EXOC2: variants seen among roughly 807,000 people sequenced by gnomAD.
EXOC2 encodes the protein exocyst complex component 2, also known as SEC5-like 1.
In EXOC2, 70 loss-of-function variants were observed where a neutral mutation model predicts 131.8. That is an observed-to-expected ratio of 0.53 (90% confidence interval 0.44 to 0.65). The LOEUF (loss-of-function observed/expected upper bound fraction) is 0.65. EXOC2 is among the 30% of genes least tolerant of loss of function. The probability of loss-of-function intolerance (pLI) is 0.00; values close to 1 mark genes in which losing one functional copy is unlikely to be tolerated. For synonymous variants in EXOC2, 411 were observed against 398.4 expected (o/e 1.03, Z -0.38); for missense variants, 923 against 1,108.6 (o/e 0.83, Z 2.38).
chr6:659,798 CA>C lies in EXOC2; in HGVS notation c.-43-21938del, dbSNP rs554452218. Among the ~76,000 whole-genome samples, 329 of 152,316 alleles carry C rather than the reference CA, an allele frequency of 2.2e-3. 2 individuals are homozygous for C. The highest frequency in any genetic ancestry group is 7.7e-3 in the African/African-American group (319 of 41,570). On this transcript the variant is annotated intron_variant, in intron 1 of 27. Transcript: ENST00000230449. ...CTGAGGAGCAGGGGGTACAACTCCA[CA>C]GGGAGAAGGAAATCTCTAACTGAAC... is the stretch of plus-strand genomic sequence containing the variant.
intron 13 of EXOC2, among the ~76,000 whole-genome samples, chr6:571,918 AAC>A (rs1292276235): frequency 5.9e-5 from 9 of 152,220 alleles, no homozygotes; most frequent in Non-Finnish European, 2.9e-5. Flanking sequence ...TGCCACACAT[AAC>A]AGAGTCATTC....
At chr6:572,696 C>T (rs1299388413) in intron 12 of EXOC2, 52 bp from the exon 13 acceptor site, 1 of 1,585,910 alleles carries the variant, frequency 6.3e-7, no homozygotes, top group Non-Finnish European at 8.6e-7. Flanking sequence ...ATCAAGAAAA[C>T]ACCTTTGAGC....
At chr6:487,572 A>G (rs371092250) in intron 27 of EXOC2, among the ~76,000 whole-genome samples, 3 of 151,880 alleles carry the variant, frequency 2.0e-5, no homozygotes, top group East Asian at 3.9e-4. Context: ...ACACCCGGCT[A>G]ATTTTTGTAT....
intron 1 of EXOC2, among the ~76,000 whole-genome samples, chr6:675,481 C>A (rs190897639): frequency 3.3e-3 from 498 of 152,292 alleles, no homozygotes; most frequent in Non-Finnish European, 5.3e-3. Flanking sequence ...GAAATGGGCG[C>A]CCCATCAACC....
intron 1 of EXOC2, among the ~76,000 whole-genome samples, chr6:688,231 G>T (rs1411743636): frequency 6.6e-6 from 1 of 152,204 alleles, no homozygotes; most frequent in Admixed American, 6.5e-5. Context: ...AGTACATTCT[G>T]CAGAGATAAG....
chr6:577,638 T>C (rs1203071545), intron 11 of EXOC2, among the ~76,000 whole-genome samples: 2 of 152,228 alleles, frequency 1.3e-5, no homozygotes, highest in Non-Finnish European at 1.5e-5. Context: ...ATTTACCTTG[T>C]TAGTCTAAAA....
At chr6:498,595 A>C (rs1763868475) in intron 24 of EXOC2, among the ~76,000 whole-genome samples, 1 of 152,214 alleles carries the variant, frequency 6.6e-6, no homozygotes, top group Admixed American at 6.5e-5. Context: ...TAAGAACTGG[A>C]AACTGTAACG....
intron 1 of EXOC2, among the ~76,000 whole-genome samples, chr6:683,891 A>C (rs1405846848): frequency 6.6e-6 from 1 of 152,260 alleles, no homozygotes; most frequent in Non-Finnish European, 1.5e-5. Flanking sequence ...TGCTATGGAA[A>C]GTGCCTGTCA....
intron 1 of EXOC2, among the ~76,000 whole-genome samples, chr6:686,204 C>T (rs541408120): frequency 2.0e-5 from 3 of 151,792 alleles, no homozygotes; most frequent in South Asian, 2.1e-4. Context: ...CCTCATGATT[C>T]GCCCTCCTCG....
intron 1 of EXOC2, among the ~76,000 whole-genome samples, chr6:642,629 T>C (rs1762406108): frequency 6.6e-6 from 1 of 152,200 alleles, no homozygotes. Context: ...GTTATTAAAA[T>C]ATATGTAATC....
At chr6:656,746 G>C in intron 1 of EXOC2, 1 of 1,587,616 alleles carries the variant, frequency 6.3e-7, no homozygotes, top group Non-Finnish European at 8.6e-7. Context: ...CCTTCCATGC[G>C]AAACTGCTGG....
chr6:618,607 A>C (rs1286134743), intron 5 of EXOC2, among the ~76,000 whole-genome samples: 1 of 152,216 alleles, frequency 6.6e-6, no homozygotes, highest in Non-Finnish European at 1.5e-5. Context: ...ATTTGCTTTA[A>C]AAAGCAATCA....
At chr6:661,546 T>C (rs141531110) in intron 1 of EXOC2, among the ~76,000 whole-genome samples, 1 of 152,268 alleles carries the variant, frequency 6.6e-6, no homozygotes, top group African/African-American at 2.4e-5. Context: ...AACCTATGCA[T>C]CATATATGAA....
intron 11 of EXOC2, among the ~76,000 whole-genome samples, chr6:584,524 G>C (rs1759093459): frequency 6.6e-6 from 1 of 152,152 alleles, no homozygotes; most frequent in Admixed American, 6.5e-5. Context: ...TAATACTCTA[G>C]TGAGTGTCAG....
chr6:564,067 A>G lies in EXOC2; in HGVS notation c.1755T>C (p.Arg585=). 1 of 1,614,120 alleles carries G rather than the reference A, an allele frequency of 6.2e-7. No individual in the cohort carries two copies. Among genetic ancestry groups the G allele is most frequent in the Non-Finnish European group, 8.5e-7 (1 of 1,180,020 alleles). ...IQDLILDLRV[R]CVMATLQHTA... is the part of the protein sequence containing the mutation. ...TGTGCTGCAACGTGGCCATTACGCA[A>G]CGTACTCGGAGATCCAAGATGAGAT... The change falls in exon 16 of 28, where the codon CGT becomes CGC. Residue 585 remains arginine (R), a synonymous_variant. Transcript: ENST00000230449.
At chr6:581,950 A>C (rs1758927813) in intron 11 of EXOC2, among the ~76,000 whole-genome samples, 1 of 152,232 alleles carries the variant, frequency 6.6e-6, no homozygotes, top group Non-Finnish European at 1.5e-5. Flanking sequence ...AAATACCTCT[A>C]GACATTTTAA....
intron 23 of EXOC2, among the ~76,000 whole-genome samples, chr6:511,911 C>T (rs1437321853): frequency 6.6e-6 from 1 of 152,404 alleles, no homozygotes; most frequent in East Asian, 1.9e-4. Context: ...TCCGCCACAT[C>T]TGTTGCTTCG....
chr6:513,232 G>C (rs1224621503), intron 23 of EXOC2, among the ~76,000 whole-genome samples: 2 of 152,214 alleles, frequency 1.3e-5, no homozygotes, highest in Admixed American at 1.3e-4. Flanking sequence ...GCCAGACCAC[G>C]TGCCGTACCA....
At chr6:539,044 T>C (rs1295841744) in intron 22 of EXOC2, among the ~76,000 whole-genome samples, 3 of 148,462 alleles carry the variant, frequency 2.0e-5, no homozygotes, top group African/African-American at 7.5e-5. Flanking sequence ...CACTACAGCC[T>C]GGGTGACAGA....
Sources: allele counts gnomAD v4.1 joint callset (sites outside exome capture counted in the v4.1 genomes callset), GRCh38; gene constraint gnomAD v4.1.1; transcripts MANE v1.5; gene names NCBI Gene and HGNC (gene_info 2026-07-23, HGNC 2026-07-21).